PLCE1: variants seen among roughly 807,000 people sequenced by gnomAD.
PLCE1 encodes the protein phospholipase C epsilon 1.
PLCE1 carries 119 observed loss-of-function variants against 242.8 expected under a neutral mutation model. That is an observed-to-expected ratio of 0.49 (90% CI 0.42 to 0.57). The LOEUF is 0.57. Among genes scored for constraint, PLCE1 ranks in the 20% least tolerant of loss-of-function variants. The pLI is 0.00. For synonymous variants in PLCE1, 945 were observed against 1,017.4 expected, an observed-to-expected ratio of 0.93 and a Z score of 1.35; for missense variants, 2,441 against 2,788.8, an observed-to-expected ratio of 0.88 and a Z score of 2.81.
chr10:94,089,255 A>G, intron 2 of PLCE1: 1 of 1,614,056 alleles, frequency 6.2e-7, no homozygotes, highest in Non-Finnish European at 8.5e-7. Context: ...GCAGGCTGTC[A>G]GCTGTGGCTT....
intron 1 of PLCE1, among the ~76,000 whole-genome samples, chr10:94,019,476 C>T (rs1200166840): frequency 6.6e-6 from 1 of 152,214 alleles, no homozygotes; most frequent in Admixed American, 6.5e-5. Flanking sequence ...CCATCACCCA[C>T]CCTGCTTCCA....
intron 2 of PLCE1, among the ~76,000 whole-genome samples, chr10:94,076,261 T>G (rs1265741935): frequency 6.6e-6 from 1 of 152,096 alleles, no homozygotes; most frequent in Non-Finnish European, 1.5e-5. Flanking sequence ...GAGTGTTTAG[T>G]AGGAGGTTAT....
intron 1 of PLCE1, among the ~76,000 whole-genome samples, chr10:94,024,768 A>C (rs1175596026): frequency 6.6e-6 from 1 of 152,122 alleles, no homozygotes; most frequent in Non-Finnish European, 1.5e-5. Context: ...AGGAGAATAA[A>C]ATTGGAAACA....
At position 94,050,388 on chromosome 10, in the gene PLCE1, G is replaced by A. The variant is rs190566712; in HGVS notation, c.1206+18136G>A. Among the ~76,000 whole-genome samples, 10 of 152,212 alleles carry A rather than the reference G, an allele frequency of 6.6e-5. No individual in the cohort carries two copies. The East Asian group carries it at 1.5e-3, about 24-fold the overall frequency. ...GAACTTATTCACTATCATGAGAACA[G>A]CATGGGGGAAACTTCCCCCATGATG... On this transcript the variant is annotated intron_variant, in intron 2 of 32. Transcript: ENST00000371380.
At chr10:94,239,749 A>G (rs573555383) in intron 7 of PLCE1, among the ~76,000 whole-genome samples, 1 of 152,374 alleles carries the variant, frequency 6.6e-6, no homozygotes, top group East Asian at 1.9e-4. Flanking sequence ...GGGATAGGAA[A>G]AAAAGAAAGC....
At chr10:94,023,213 A>G (rs1172479596) in intron 1 of PLCE1, among the ~76,000 whole-genome samples, 2 of 152,204 alleles carry the variant, frequency 1.3e-5, no homozygotes, top group African/African-American at 2.4e-5. Flanking sequence ...GGAAATGCAC[A>G]GAGGCATTAA....
At chr10:94,219,471 C>A (rs2049646522) in intron 4 of PLCE1, among the ~76,000 whole-genome samples, 1 of 152,138 alleles carries the variant, frequency 6.6e-6, no homozygotes, top group Admixed American at 6.5e-5. Flanking sequence ...AGGCTCATAT[C>A]TTTACAGTTT....
At chr10:94,024,674 A>T (rs1254897738) in intron 1 of PLCE1, among the ~76,000 whole-genome samples, 1 of 152,126 alleles carries the variant, frequency 6.6e-6, no homozygotes, top group Non-Finnish European at 1.5e-5. Context: ...ATTGTTGTTA[A>T]GTCACACCTC....
intron 2 of PLCE1, chr10:94,107,580 GTA>G (rs1411500165): frequency 6.6e-6 from 1 of 152,102 alleles, no homozygotes; most frequent in Non-Finnish European, 1.5e-5. Flanking sequence ...AGTGGACTCT[GTA>G]ACCAAAAGTG....
chr10:94,236,052 C>T lies in PLCE1; in HGVS notation c.2352C>T (p.Asp784=), dbSNP rs201793869. The stretch of plus-strand genomic sequence containing the variant: ...GCTGCAATCGAAGTCTGGAGACAGA[C>T]GAGGAGGACAGCCCCAGTGAAGGAA... The part of the protein sequence containing the change: ...IRSCNRSLET[D]EEDSPSEGNS... The change falls in exon 7 of 33, where the codon GAC becomes GAT. Residue 784 remains aspartate (D), a synonymous_variant. Coordinates refer to ENST00000371380, the MANE Select transcript of PLCE1 (RefSeq NM_016341.4). The T allele has an allele frequency of 1.5e-3, 2,348 of 1,613,990 alleles. 47 individuals carry two copies. In the South Asian group the frequency reaches 0.023, roughly 16 times the overall value.
chr10:94,171,212 A>G lies in PLCE1; in HGVS notation c.1525A>G (p.Asn509Asp). 1 of 1,614,178 alleles carries G rather than the reference A, an allele frequency of 6.2e-7. No homozygotes were observed. The highest frequency in any genetic ancestry group is 8.5e-7 in the Non-Finnish European group (1 of 1,180,018). Residue 509 changes from asparagine to aspartate, a missense_variant, in exon 4 of 33, where the codon AAT becomes GAT. Around this residue, in one of 5 missense-constraint regions of PLCE1, gnomAD observed 733 missense variants for 754.2 expected, o/e 0.97. Transcript: ENST00000371380. ...RQPGPSVANSNALPSSSAGIS... is the reference protein window; with the variant it reads ...RQPGPSVANSDALPSSSAGIS... Reference sequence around the variant, plus strand: ...GCCAGGCCCCTCTGTGGCCAATTCCAATGCCCTCCCTTCAAGTTCAGCTGG... The same window carrying G: ...GCCAGGCCCCTCTGTGGCCAATTCCGATGCCCTCCCTTCAAGTTCAGCTGG...
At chr10:94,299,051 A>G (rs2133544447) in intron 24 of PLCE1, among the ~76,000 whole-genome samples, 1 of 152,348 alleles carries the variant, frequency 6.6e-6, no homozygotes, top group South Asian at 2.1e-4. Flanking sequence ...GTCAAAAGGT[A>G]GTGTCACTCC....
intron 5 of PLCE1, among the ~76,000 whole-genome samples, chr10:94,227,711 T>C (rs2049995231): frequency 6.6e-6 from 1 of 152,180 alleles, no homozygotes; most frequent in Non-Finnish European, 1.5e-5. Flanking sequence ...CCAAGTGAAA[T>C]TACTTGGTTG....
Position 94,062,579 on chromosome 10 carries a change from T to TTTA in PLCE1, c.1206+30329_1206+30330insATT, listed in dbSNP as rs1206041635. On this transcript the variant is annotated intron_variant, in intron 2 of 32. Coordinates refer to ENST00000371380, the MANE Select transcript of PLCE1 (RefSeq NM_016341.4). ...AAGTGTTAGTTATTGGTTTCTTGGT[T>TTTA]TTGTTTTTTTTTTTGTTTTGTTTTG... Among the ~76,000 whole-genome samples the TTTA allele has an allele frequency of 7.4e-3, 21 of 2,826 alleles. No individual in the cohort carries two copies. The African/African-American group carries it at 0.1, about 14-fold the overall frequency. 1.9% of individuals were successfully genotyped at this position (2,826 alleles called of 152,430 possible). A position where few individuals can be genotyped will look rare whatever the true frequency, so the allele number is the denominator to read the frequency against.
chr10:94,165,642 A>G (rs374911762), intron 3 of PLCE1, among the ~76,000 whole-genome samples: 95 of 152,304 alleles, frequency 6.2e-4, no homozygotes, highest in African/African-American at 2.3e-3. Context: ...GGCCAAAAAA[A>G]GCTGAACCAG....
At chr10:94,295,890 C>T (rs1278190660) in intron 23 of PLCE1, among the ~76,000 whole-genome samples, 1 of 152,030 alleles carries the variant, frequency 6.6e-6, no homozygotes, top group Non-Finnish European at 1.5e-5. Flanking sequence ...TCTTAAGGGC[C>T]CTAAGGATTT....
At chr10:94,106,359 C>CAT (rs1261095455) in intron 2 of PLCE1, among the ~76,000 whole-genome samples, 1 of 152,178 alleles carries the variant, frequency 6.6e-6, no homozygotes, top group Non-Finnish European at 1.5e-5. Context: ...ATATCTCTTA[C>CAT]ATATATCACA....
At chr10:94,248,421 C>T (rs2050762466) in intron 8 of PLCE1, among the ~76,000 whole-genome samples, 3 of 151,940 alleles carry the variant, frequency 2.0e-5, no homozygotes, top group Non-Finnish European at 4.4e-5. Context: ...GCCAACATGG[C>T]AAAATCCCGC....
In PLCE1 at chr10:94,300,577, A is replaced by G. The variant is rs944596569; in HGVS notation, c.5458+1908A>G. On this transcript the variant is annotated intron_variant, in intron 24 of 32. Transcript: ENST00000371380. ...GTGTTCATCTGTAAAAATGGTCTTC[A>G]TTTCTGCAAACTGGGGGTACAGCCT... Among the ~76,000 whole-genome samples, 3 of 152,182 alleles carry G rather than the reference A, an allele frequency of 2.0e-5. No homozygotes were observed. In the East Asian group the frequency reaches 5.8e-4, roughly 29 times the overall value.
Sources: gnomAD v4.1 joint callset for allele counts (sites outside exome capture counted in the v4.1 genomes callset) on GRCh38, gnomAD v4.1.1 for gene constraint, gnomAD v4.1.1 regional missense constraint, MANE v1.5 for transcripts, NCBI Gene and HGNC (gene_info 2026-07-23, HGNC 2026-07-21) for gene names.